MBD3: variants seen among roughly 807,000 people sequenced by gnomAD.
MBD3 encodes methyl-CpG-binding domain protein 3.
A neutral mutation model predicts 31.2 loss-of-function variants in MBD3; 13 were observed. The ratio of observed to expected loss-of-function variants is 0.42; its 90% CI spans 0.27 to 0.66. The LOEUF (loss-of-function observed/expected upper bound fraction) is 0.66, where lower values mean the gene tolerates loss of function less well. Among genes scored for constraint, MBD3 ranks in the 30% least tolerant of loss-of-function variants. The pLI is 0.26. For synonymous variants in MBD3, 223 were observed against 187.4 expected (o/e 1.19, Z -1.55); for missense variants, 440 against 426.5 (o/e 1.03, Z -0.28).
chr19:1,581,598 A>C (rs1246804650), intron 4 of MBD3: 1 of 407,006 alleles, frequency 2.5e-6, no homozygotes, highest in African/African-American at 2.1e-5. Flanking sequence ...TTCAAAAATT[A>C]GCCAGGTGTC....
intron 1 of MBD3, 54 bp downstream of exon 1, chr19:1,592,468 G>A (rs2060709658): frequency 7.0e-6 from 7 of 1,003,316 alleles, no homozygotes; most frequent in South Asian, 6.9e-5. Flanking sequence ...GGCCGCCGCA[G>A]AGGCCGCTGG....
intron 1 of MBD3, among the ~76,000 whole-genome samples, chr19:1,589,599 G>A (rs2060694738): frequency 6.6e-6 from 1 of 152,196 alleles, no homozygotes; most frequent in Admixed American, 6.5e-5. Context: ...GCTGCAGTCA[G>A]CCGAGATTGC....
rs758196242 is a variant in MBD3, at chr19:1,578,042, G to A, written c.*122C>T. 71 of 527,670 alleles carry A rather than the reference G, an allele frequency of 1.3e-4. No individual in the cohort carries two copies. Among genetic ancestry groups the A allele is most frequent in the African/African-American group, 1.9e-4 (10 of 52,362 alleles). The allele number at this position is 527,670 out of a possible 1,614,324, so 32.7% of individuals were successfully genotyped here. A position where few individuals can be genotyped will look rare whatever the true frequency, so the allele number is the denominator to read the frequency against. ...GGGCCGAGGAGGGAGCCAGGAGCAC[G>A]GCCTTCCTCCTGGGTGTCTCCAAGG... On this transcript the variant is annotated 3_prime_UTR_variant, in exon 7 of 7. Coordinates refer to ENST00000434436, the MANE Select transcript of MBD3 (RefSeq NM_001281453.2). The surrounding 1 kb of genome is among the most constrained non-coding windows in gnomAD (Gnocchi z 6.1).
Position 1,582,710 on chromosome 19 carries a change from G to T in MBD3, c.411C>A (p.Leu137=), listed in dbSNP as rs778908567. The T allele has an allele frequency of 4.3e-6, 7 of 1,613,202 alleles. No homozygotes were observed. The highest frequency in any genetic ancestry group is 5.1e-6 in the Non-Finnish European group (6 of 1,179,594). The change falls in exon 4 of 7, where the codon CTC becomes CTA. Residue 137 remains leucine, a splice_region_variant and synonymous_variant. Transcript: ENST00000434436. ...PQKAVDQPRQ[L]FWEKKLSGLN... ...GGCCGCTCAGCTTCTTCTCCCAGAA[G>T]AGCTGCCCCAGACACATATGTGAAC...
intron 1 of MBD3, among the ~76,000 whole-genome samples, chr19:1,591,059 G>C (rs2060701226): frequency 6.6e-6 from 1 of 152,210 alleles, no homozygotes; most frequent in Non-Finnish European, 1.5e-5. Flanking sequence ...CTTGGTTCTA[G>C]CTCCCAAGCT....
In MBD3 at chr19:1,575,520, CAT is replaced by C. The variant is rs1211318083; in HGVS notation, c.*2642_*2643del. ...CAGGCACCGCACAGGGCAGGCTGGT[CAT>C]GAGGCCCCCACGAAAGATCCCAGCA... On this transcript the variant is annotated 3_prime_UTR_variant, in exon 7 of 7. Coordinates refer to ENST00000434436, the MANE Select transcript of MBD3 (RefSeq NM_001281453.2). 2.9e-5 allele frequency: 6 copies of C among 207,324 alleles called. No homozygotes were observed. Among genetic ancestry groups the C allele is most frequent in the Admixed American group, 5.5e-5 (1 of 18,252 alleles). The allele number at this position is 207,324 out of a possible 1,614,324, so 12.8% of individuals were successfully genotyped here. A position where few individuals can be genotyped will look rare whatever the true frequency, so the allele number is the denominator to read the frequency against.
chr19:1,592,492 A>G, intron 1 of MBD3, 30 bp downstream of exon 1: 3 of 1,257,194 alleles, frequency 2.4e-6, no homozygotes, highest in Non-Finnish European at 3.2e-6. Flanking sequence ...GAGCCCGTTG[A>G]GGCCCTGCGC....
At chr19:1,586,981 T>C (rs1325065503) in intron 1 of MBD3, among the ~76,000 whole-genome samples, 1 of 150,900 alleles carries the variant, frequency 6.6e-6, no homozygotes, top group Non-Finnish European at 1.5e-5. Context: ...TTTTTTTTTT[T>C]TTAAGACGGA....
In MBD3 at chr19:1,585,207, C is replaced by A. The variant is rs1195796674; in HGVS notation, c.118G>T (p.Gly40Trp). ...TGCGGCTTGCTGCGGAACTTCTTCC[C>A]GCTCGGGCTGCGGGGAGGCGGGACG... ...HRDVFYYSPSGKKFRSKPQLA... is the reference protein window; with the variant it reads ...HRDVFYYSPSWKKFRSKPQLA... Residue 40 changes from glycine (G) to tryptophan (W), a missense_variant, in exon 2 of 7, where the codon GGG becomes TGG. By Grantham distance (184) the Gly-to-Trp change is radical. This residue lies in a region of MBD3 where 179 missense variants were observed against 134.7 expected (regional missense o/e 1.33). Coordinates refer to ENST00000434436, the MANE Select transcript of MBD3 (RefSeq NM_001281453.2). This position sits in a 1 kb window ranked among gnomAD's most constrained non-coding sequence, Gnocchi z 4.1. The A allele has an allele frequency of 4.4e-6, 7 of 1,595,514 alleles. No individual in the cohort carries two copies. The highest frequency in any genetic ancestry group is 1.7e-5 in the Admixed American group (1 of 58,882).
At position 1,582,710 on chromosome 19, in the gene MBD3, G is replaced by A. The variant is rs778908567; in HGVS notation, c.411C>T (p.Leu137=). The change falls in exon 4 of 7, where the codon CTC becomes CTT. Residue 137 remains leucine (L), a splice_region_variant and synonymous_variant. Coordinates refer to ENST00000434436, the MANE Select transcript of MBD3 (RefSeq NM_001281453.2). ...GGCCGCTCAGCTTCTTCTCCCAGAA[G>A]AGCTGCCCCAGACACATATGTGAAC... is the stretch of plus-strand genomic sequence containing the variant. ...PQKAVDQPRQ[L]FWEKKLSGLN... 7.4e-6 allele frequency: 12 copies of A among 1,613,084 alleles called. No homozygotes were observed. The highest frequency in any genetic ancestry group is 8.5e-7 in the Non-Finnish European group (1 of 1,179,602).
intron 4 of MBD3, chr19:1,581,802 C>T (rs555427315): frequency 1.2e-4 from 23 of 192,900 alleles, no homozygotes; most frequent in African/African-American, 5.3e-4. Flanking sequence ...CGGAGTCTCC[C>T]TCTGTTGCCC....
rs555611014 is a variant in MBD3 at position 1,575,987 on chromosome 19, G to T, written c.*2177C>A. On this transcript the variant is annotated 3_prime_UTR_variant, in exon 7 of 7. Coordinates refer to ENST00000434436, the MANE Select transcript of MBD3 (RefSeq NM_001281453.2). ...AGGAAGCTGGGCTGCGACAGAGAGG[G>T]AGAGACAGCAAGAGACAGAGACAGA... is the stretch of plus-strand genomic sequence containing the variant. 6.6e-6 allele frequency: 1 copy of T among 152,622 alleles called. No individual in the cohort carries two copies. Among genetic ancestry groups the T allele is most frequent in the African/African-American group, 2.4e-5 (1 of 41,572 alleles). 9.5% of individuals were successfully genotyped at this position (152,622 alleles called of 1,614,324 possible).
intron 5 of MBD3, among the ~76,000 whole-genome samples, chr19:1,580,426 T>A (rs1466055891): frequency 1.3e-5 from 2 of 152,228 alleles, no homozygotes; most frequent in Non-Finnish European, 2.9e-5. Flanking sequence ...TCCCTGGCCG[T>A]TCCGGGTCTT....
chr19:1,582,738 C>T (rs777124472), intron 3 of MBD3, 26 bp from the exon 4 acceptor site: 4 of 1,599,196 alleles, frequency 2.5e-6, no homozygotes, highest in African/African-American at 1.3e-5. Flanking sequence ...ATGTGAACCT[C>T]AAGAGTGGCC....
chr19:1,581,985 T>G (rs904573706), intron 4 of MBD3, among the ~76,000 whole-genome samples: 3 of 152,092 alleles, frequency 2.0e-5, no homozygotes, highest in Admixed American at 6.6e-5. Context: ...GCCAGGATGA[T>G]CTCGATCTCC....
intron 5 of MBD3, among the ~76,000 whole-genome samples, 181 bp downstream of exon 5, chr19:1,580,911 G>C (rs963263914): frequency 6.6e-6 from 1 of 152,194 alleles, no homozygotes; most frequent in African/African-American, 2.4e-5. Flanking sequence ...CTGAACCCAG[G>C]ACGCGGGTGA....
At position 1,578,134 on chromosome 19, in the gene MBD3, G is replaced by A; in HGVS notation, c.*30C>T. On this transcript the variant is annotated 3_prime_UTR_variant, in exon 7 of 7. Coordinates refer to ENST00000434436, the MANE Select transcript of MBD3 (RefSeq NM_001281453.2). The surrounding 1 kb of genome is among the most constrained non-coding windows in gnomAD (Gnocchi z 6.1). ...CCGCGTCTGCAGGCGGCTCCAGCAG[G>A]CAGCACGGGCTCTCGGCAGGGCCTC... is the stretch of plus-strand genomic sequence containing the variant. 2 of 790,792 alleles carry A rather than the reference G, an allele frequency of 2.5e-6. No individual in the cohort carries two copies. The highest frequency in any genetic ancestry group is 3.6e-5 in the South Asian group (2 of 55,852). The allele number at this position is 790,792 out of a possible 1,614,324, so 49.0% of individuals were successfully genotyped here.
In MBD3 at chr19:1,585,149, A is replaced by C; in HGVS notation, c.176T>G (p.Leu59Arg). Reference sequence around the variant, plus strand: ...GCCCGTGCGGAAGTCGAAGGTGCTCAGGTCCATGGAGCCGCCCAGGTAGCG... The same window carrying C: ...GCCCGTGCGGAAGTCGAAGGTGCTCCGGTCCATGGAGCCGCCCAGGTAGCG... ...LARYLGGSMD[L>R]STFDFRTGKM... Residue 59 changes from leucine to arginine, a missense_variant, in exon 2 of 7, where the codon CTG (leucine) becomes CGG (arginine). Coordinates refer to ENST00000434436, the MANE Select transcript of MBD3 (RefSeq NM_001281453.2). This position sits in a 1 kb window ranked among gnomAD's most constrained non-coding sequence, Gnocchi z 4.1. 1 of 1,610,792 alleles carries C rather than the reference A, an allele frequency of 6.2e-7. No individual in the cohort carries two copies. The highest frequency in any genetic ancestry group is 8.5e-7 in the Non-Finnish European group (1 of 1,179,438).
chr19:1,584,717 C>T (rs375960971), intron 2 of MBD3, 40 bp from the exon 3 acceptor site: 28 of 1,595,552 alleles, frequency 1.8e-5, no homozygotes, highest in Non-Finnish European at 2.2e-5. Context: ...TGGGGGCGCC[C>T]CGGCGGCGCG....
Sources: allele counts gnomAD v4.1 joint callset (sites outside exome capture counted in the v4.1 genomes callset), GRCh38; gene constraint gnomAD v4.1.1; regional missense constraint gnomAD v4.1.1; non-coding constraint Gnocchi (gnomAD v3.1); transcripts MANE v1.5; gene names NCBI Gene and HGNC (gene_info 2026-07-23, HGNC 2026-07-21).